GCSAML: variants seen among roughly 807,000 people sequenced by gnomAD.
The protein encoded by GCSAML is germinal center associated signaling and motility like.
Under a neutral mutation model 13.0 loss-of-function variants are expected in GCSAML, and 9 were observed. The ratio of observed to expected loss-of-function variants is 0.69; its 90% CI spans 0.42 to 1.21. GCSAML has a LOEUF of 1.21. Among genes scored for constraint, GCSAML ranks in the 50% most tolerant of loss-of-function variants. The probability of loss-of-function intolerance (pLI) is 0.00; values close to 1 mark genes in which losing one functional copy is unlikely to be tolerated. For synonymous variants in GCSAML, 37 were observed against 52.9 expected, an observed-to-expected ratio of 0.70 and a Z score of 1.31; for missense variants, 143 against 153.4, an observed-to-expected ratio of 0.93 and a Z score of 0.36.
In GCSAML at chr1:247,556,447, C is replaced by A; in HGVS notation, c.70C>A (p.Pro24Thr). The part of the protein sequence containing the change: ...ENQKKPKKGN[P>T]DEERKRQEMT... ...TCAAAAGAAGCCCAAGAAAGGAAAC[C>A]CAGATGAGGAAAGAAAACGGTAAGA... The change falls in exon 2 of 5, where the codon CCA (proline) becomes ACA (threonine). Residue 24 changes from proline (P) to threonine (T), a missense_variant. Coordinates refer to ENST00000366488, the MANE Select transcript of GCSAML (RefSeq NM_145278.5). 2 of 1,611,066 alleles carry A rather than the reference C, an allele frequency of 1.2e-6. No homozygotes were observed. The highest frequency in any genetic ancestry group is 1.7e-6 in the Non-Finnish European group (2 of 1,177,828).
chr1:247,536,516 T>A (rs1289101498), intron 2 of GCSAML: 1 of 152,158 alleles, frequency 6.6e-6, no homozygotes, highest in African/African-American at 2.4e-5. Context: ...AGAAAGTATA[T>A]GCAGACCCTA....
At chr1:247,558,647 A>G (rs1005016466) in intron 2 of GCSAML, among the ~76,000 whole-genome samples, 58 of 152,082 alleles carry the variant, frequency 3.8e-4, no homozygotes, top group African/African-American at 1.4e-3. Context: ...TTAGTTTTTT[A>G]AATTGTTGCT....
chr1:247,536,920 G>A (rs1667239420), intron 2 of GCSAML, among the ~76,000 whole-genome samples: 1 of 152,054 alleles, frequency 6.6e-6, no homozygotes, highest in Non-Finnish European at 1.5e-5. Flanking sequence ...ATGAGATAAT[G>A]TTTTTCTTAA....
intron 2 of GCSAML, among the ~76,000 whole-genome samples, chr1:247,557,187 T>C (rs1228000168): frequency 6.6e-6 from 1 of 152,270 alleles, no homozygotes; most frequent in Non-Finnish European, 1.5e-5. Context: ...TTTATGGCAC[T>C]AGAACCTACT....
Position 247,563,640 on chromosome 1 carries a change from G to GT in GCSAML, c.139+2dup, listed in dbSNP as rs1470150384. On this transcript the variant is annotated splice_donor_variant, in intron 3 of 4. Coordinates refer to ENST00000366488, the MANE Select transcript of GCSAML (RefSeq NM_145278.5). LOFTEE classifies it high-confidence loss of function. ...AAACTTCAAGATCAAGATAAGAAAA[G>GT]TAAGTCATGGCTGTATAATATTTTT... The GT allele has an allele frequency of 1.1e-5, 17 of 1,539,714 alleles. No homozygotes were observed. Among genetic ancestry groups the GT allele is most frequent in the Non-Finnish European group, 1.5e-5 (17 of 1,113,898 alleles).
chr1:247,563,096 C>A (rs1668199816), intron 2 of GCSAML, among the ~76,000 whole-genome samples: 1 of 151,812 alleles, frequency 6.6e-6, no homozygotes, highest in Admixed American at 6.6e-5. Context: ...GATCTGCCCG[C>A]CTTGGCCTCC....
At chr1:247,562,339 C>G (rs981649267) in intron 2 of GCSAML, among the ~76,000 whole-genome samples, 1 of 152,142 alleles carries the variant, frequency 6.6e-6, no homozygotes, top group Non-Finnish European at 1.5e-5. Context: ...GCGCCCGTGC[C>G]TGAGGTCCGT....
intron 1 of GCSAML, among the ~76,000 whole-genome samples, chr1:247,522,688 C>G (rs10158355): frequency 0.19 from 28,601 of 151,454 alleles, 2,828 homozygotes; most frequent in African/African-American, 0.23. Flanking sequence ...GCAAGATGTG[C>G]TTTGTTAAAC....
At chr1:247,563,544 T>C in intron 2 of GCSAML, 46 bp from the exon 3 acceptor site, 1 of 1,208,622 alleles carries the variant, frequency 8.3e-7, no homozygotes, top group Non-Finnish European at 1.2e-6. Context: ...CATTTTCAGC[T>C]TTGGAGAACC....
At chr1:247,531,409 T>C (rs1404889154) in intron 2 of GCSAML, 14 of 790,952 alleles carry the variant, frequency 1.8e-5, no homozygotes, top group East Asian at 2.5e-5. Context: ...GGAAATGGCA[T>C]GAGCACACTC....
Position 247,575,521 on chromosome 1 carries a change from C to G in GCSAML, c.*1139C>G, listed in dbSNP as rs894371890. On this transcript the variant is annotated 3_prime_UTR_variant, in exon 5 of 5. Coordinates refer to ENST00000366488, the MANE Select transcript of GCSAML (RefSeq NM_145278.5). ...GACATTTACTTCAATTTTTCTTTTTCTATGTACTGGATATTTTTGCATATA... is the reference window on the plus strand; with the variant it reads ...GACATTTACTTCAATTTTTCTTTTTGTATGTACTGGATATTTTTGCATATA... The G allele has an allele frequency of 6.6e-6, 1 of 152,028 alleles. No homozygotes were observed. Among genetic ancestry groups the G allele is most frequent in the Non-Finnish European group, 1.5e-5 (1 of 68,016 alleles). The allele number at this position is 152,028 out of a possible 1,614,324, so 9.4% of individuals were successfully genotyped here.
At chr1:247,531,323 A>G (rs948775247) in intron 2 of GCSAML, 2 of 575,890 alleles carry the variant, frequency 3.5e-6, no homozygotes, top group Non-Finnish European at 6.2e-6. Context: ...CAACATGTGT[A>G]TATATAGCAA....
intron 2 of GCSAML, among the ~76,000 whole-genome samples, chr1:247,533,087 T>A (rs1667070193): frequency 6.6e-6 from 1 of 152,120 alleles, no homozygotes; most frequent in Non-Finnish European, 1.5e-5. Context: ...ATCTGCAAGT[T>A]TTTGCTGTCG....
upstream of GCSAML, among the ~76,000 whole-genome samples, chr1:247,545,531 C>T (rs1225902802): frequency 2.0e-5 from 3 of 152,176 alleles, no homozygotes; most frequent in Non-Finnish European, 4.4e-5. Context: ...ACTTTGCACC[C>T]ATTAGTAATG....
At chr1:247,549,999 G>C (rs1189905602) in intron 1 of GCSAML, among the ~76,000 whole-genome samples, 2 of 152,162 alleles carry the variant, frequency 1.3e-5, no homozygotes, top group Non-Finnish European at 2.9e-5. Flanking sequence ...TATCGCTCCT[G>C]TGCTCCAGTG....
intron 1 of GCSAML, among the ~76,000 whole-genome samples, chr1:247,508,388 A>T (rs1665901360): frequency 6.6e-6 from 1 of 151,954 alleles, no homozygotes; most frequent in African/African-American, 2.4e-5. Flanking sequence ...AAATTTGTTT[A>T]AGTTCTTTGT....
intron 2 of GCSAML, chr1:247,531,777 G>A: frequency 6.2e-7 from 1 of 1,614,186 alleles, no homozygotes; most frequent in Non-Finnish European, 8.5e-7. Flanking sequence ...CCACAGCCAC[G>A]TGGGAAGAAC....
rs1181893213 is a variant in GCSAML at position 247,577,238 on chromosome 1, G to A, written c.*2856G>A. On this transcript the variant is annotated 3_prime_UTR_variant, in exon 5 of 5. Coordinates refer to ENST00000366488, the MANE Select transcript of GCSAML (RefSeq NM_145278.5). ...TATTTTTAATCAGTTTTACTCAAGTGTGATTATATACAAGAAAATGTAACC... is the reference window on the plus strand; with the variant it reads ...TATTTTTAATCAGTTTTACTCAAGTATGATTATATACAAGAAAATGTAACC... 1 of 152,100 alleles carries A rather than the reference G, an allele frequency of 6.6e-6. No homozygotes were observed. Among genetic ancestry groups the A allele is most frequent in the African/African-American group, 2.4e-5 (1 of 41,410 alleles). The allele number at this position is 152,100 out of a possible 1,614,324, so 9.4% of individuals were successfully genotyped here.
At chr1:247,568,872 TC>T (rs1419774426) in intron 4 of GCSAML, among the ~76,000 whole-genome samples, 1 of 152,210 alleles carries the variant, frequency 6.6e-6, no homozygotes, top group East Asian at 1.9e-4. Flanking sequence ...GTTTTTAGTT[TC>T]CTTGAAGAGG....
Sources: allele counts gnomAD v4.1 joint callset (sites outside exome capture counted in the v4.1 genomes callset), GRCh38; gene constraint gnomAD v4.1.1; transcripts MANE v1.5; gene names NCBI Gene and HGNC (gene_info 2026-07-23, HGNC 2026-07-21).